The following MYT1L variants were observed in gnomAD, a reference collection of about 807,000 sequenced individuals.
MYT1L encodes the protein myelin transcription factor 1 like.
In MYT1L, 12 loss-of-function variants were observed where a neutral mutation model predicts 126.7. The ratio of observed to expected loss-of-function variants is 0.09; its 90% confidence interval spans 0.06 to 0.15. The LOEUF (loss-of-function observed/expected upper bound fraction) is 0.15. MYT1L is among the 10% of genes least tolerant of loss of function. The pLI is 1.00. For synonymous variants in MYT1L, 541 were observed against 604.2 expected (o/e 0.90, Z 1.53); for missense variants, 979 against 1,585.2 (o/e 0.62, Z 6.49).
At chr2:2,206,221 A>G (rs987572756) in intron 2 of MYT1L, among the ~76,000 whole-genome samples, 1 of 152,082 alleles carries the variant, frequency 6.6e-6, no homozygotes, top group Non-Finnish European at 1.5e-5. Flanking sequence ...CAGATGATCC[A>G]CTGGCCTCTG....
At chr2:2,123,899 G>A (rs1277777996) in intron 3 of MYT1L, among the ~76,000 whole-genome samples, 2 of 152,158 alleles carry the variant, frequency 1.3e-5, no homozygotes, top group African/African-American at 4.8e-5. Context: ...GCGGGGCCCT[G>A]AGCCCTGGAA....
chr2:1,960,359 G>A (rs1198264072), intron 8 of MYT1L, among the ~76,000 whole-genome samples: 2 of 152,216 alleles, frequency 1.3e-5, no homozygotes, highest in African/African-American at 4.8e-5. Context: ...GGCGGGGGAC[G>A]GTGAAGCCCC....
At chr2:1,799,329 T>G (rs908942844) in intron 23 of MYT1L, among the ~76,000 whole-genome samples, 3 of 152,186 alleles carry the variant, frequency 2.0e-5, no homozygotes, top group African/African-American at 7.2e-5. Context: ...AGAGCGTGCC[T>G]GGGGTTCCTA....
chr2:1,794,532 G>A (rs894023958), intron 23 of MYT1L, among the ~76,000 whole-genome samples: 1 of 152,214 alleles, frequency 6.6e-6, no homozygotes, highest in Non-Finnish European at 1.5e-5. Context: ...CCGGCTTAGC[G>A]GAGAAGCAGC....
chr2:2,179,520 G>A (rs192769553), intron 2 of MYT1L, among the ~76,000 whole-genome samples: 23 of 152,232 alleles, frequency 1.5e-4, no homozygotes, highest in Admixed American at 1.4e-3. Context: ...TATTATTATC[G>A]TTATCATGAC....
At position 1,804,801 on chromosome 2, in the gene MYT1L, C is replaced by A. The variant is rs146624504; in HGVS notation, c.3173-3002G>T. Among the ~76,000 whole-genome samples the A allele has an allele frequency of 4.1e-4, 63 of 152,234 alleles. 3 individuals carry two copies. In the East Asian group the frequency reaches 0.012, roughly 29 times the overall value. On this transcript the variant is annotated intron_variant, in intron 22 of 24. Transcript: ENST00000647738. The stretch of plus-strand genomic sequence containing the variant: ...GTTTGGAGCTCTCAGGAATATTAAG[C>A]GAAATAAGTAGGTGAAGTTCCTGAC...
At chr2:1,965,778 G>A (rs538824302) in intron 8 of MYT1L, among the ~76,000 whole-genome samples, 2 of 152,366 alleles carry the variant, frequency 1.3e-5, no homozygotes, top group South Asian at 2.1e-4. Context: ...CAGGAGAGCC[G>A]GACAGGGGGA....
chr2:1,984,796 A>G (rs948776752), intron 5 of MYT1L, among the ~76,000 whole-genome samples: 3 of 152,128 alleles, frequency 2.0e-5, no homozygotes, highest in Non-Finnish European at 4.4e-5. Flanking sequence ...GGTGCAAGCC[A>G]CCGTGCCTGG....
chr2:2,302,305 T>C (rs1028126000), intron 1 of MYT1L, among the ~76,000 whole-genome samples: 4 of 152,226 alleles, frequency 2.6e-5, no homozygotes, highest in Non-Finnish European at 5.9e-5. Context: ...AACTTATTAG[T>C]CAGTGAATGC....
chr2:2,327,360 A>G (rs1261647130), intron 1 of MYT1L, among the ~76,000 whole-genome samples: 1 of 152,146 alleles, frequency 6.6e-6, no homozygotes, highest in African/African-American at 2.4e-5. Context: ...GTGGTACAGA[A>G]TACAGTATGA....
chr2:2,287,028 A>G (rs1370735683), intron 1 of MYT1L, among the ~76,000 whole-genome samples: 1 of 152,204 alleles, frequency 6.6e-6, no homozygotes, highest in African/African-American at 2.4e-5. Flanking sequence ...AGGCCAAGGC[A>G]GGCGGATCAC....
intron 1 of MYT1L, among the ~76,000 whole-genome samples, chr2:2,315,239 G>A: frequency 6.6e-6 from 1 of 152,058 alleles, no homozygotes; most frequent in East Asian, 1.9e-4. Flanking sequence ...TTAAAGGCAA[G>A]GATTATGCCT....
Position 2,322,482 on chromosome 2 carries a change from C to T in MYT1L, c.-521+8485G>A, listed in dbSNP as rs552339473. ...CATCACCCTGTTTCCAGTCCTGGGACCTTTCATTGTCTTTGCCCGTGAGCC... is the reference window on the plus strand; with the variant it reads ...CATCACCCTGTTTCCAGTCCTGGGATCTTTCATTGTCTTTGCCCGTGAGCC... On this transcript the variant is annotated intron_variant, in intron 1 of 24. Coordinates refer to ENST00000647738, the MANE Select transcript of MYT1L (RefSeq NM_001303052.2). 2.0e-5 allele frequency among the ~76,000 whole-genome samples: 3 copies of T among 152,170 alleles called. No individual in the cohort carries two copies. In the East Asian group the frequency reaches 5.8e-4, roughly 29 times the overall value.
intron 3 of MYT1L, among the ~76,000 whole-genome samples, chr2:2,126,027 C>A (rs2081642100): frequency 6.6e-6 from 1 of 152,188 alleles, no homozygotes; most frequent in Non-Finnish European, 1.5e-5. Flanking sequence ...ACAACATTCC[C>A]CTCGTGGGCC....
intron 3 of MYT1L, among the ~76,000 whole-genome samples, chr2:2,150,447 T>A (rs934591949): frequency 6.6e-5 from 10 of 152,194 alleles, no homozygotes. Context: ...TTACATAACT[T>A]GAAAAAAATA....
chr2:1,865,302 C>T (rs1291528699), intron 18 of MYT1L, among the ~76,000 whole-genome samples: 6 of 152,184 alleles, frequency 3.9e-5, no homozygotes, highest in African/African-American at 1.4e-4. Context: ...ACCTGGCCAG[C>T]AGCCCTGCTC....
rs186055575 is a variant in MYT1L at position 1,916,400 on chromosome 2, T to C, written c.1618+805A>G. 4.4e-3 allele frequency among the ~76,000 whole-genome samples: 670 copies of C among 152,314 alleles called. 3 individuals carry two copies. The highest frequency in any genetic ancestry group is 0.015 in the African/African-American group (627 of 41,556). On this transcript the variant is annotated intron_variant, in intron 11 of 24. Transcript: ENST00000647738. Reference sequence around the variant, plus strand: ...GTGTCTTAGACAGTAAGGGAAACTCTTCCCATGCCGTAGACTCAAAACCAG... The same window carrying C: ...GTGTCTTAGACAGTAAGGGAAACTCCTCCCATGCCGTAGACTCAAAACCAG...
chr2:1,898,924 G>A lies in MYT1L; in HGVS notation c.2032+4156C>T, dbSNP rs530526165. ...AATGAGCTGAGTCTGCAGCTGCCCAGGCAGTCAGGGGAGTTGTCTGTGTGG... is the reference window on the plus strand; with the variant it reads ...AATGAGCTGAGTCTGCAGCTGCCCAAGCAGTCAGGGGAGTTGTCTGTGTGG... On this transcript the variant is annotated intron_variant, in intron 14 of 24. Transcript: ENST00000647738. 7.2e-5 allele frequency among the ~76,000 whole-genome samples: 11 copies of A among 152,358 alleles called. No homozygotes were observed. In the South Asian group the frequency reaches 2.3e-3, roughly 32 times the overall value.
At chr2:2,071,521 C>CA (rs1480194193) in intron 3 of MYT1L, among the ~76,000 whole-genome samples, 1 of 152,146 alleles carries the variant, frequency 6.6e-6, no homozygotes, top group Non-Finnish European at 1.5e-5. Context: ...CTCAGGACGC[C>CA]ATGGGCTCAC....
Sources: allele counts gnomAD v4.1 joint callset (sites outside exome capture counted in the v4.1 genomes callset), GRCh38; gene constraint gnomAD v4.1.1; transcripts MANE v1.5; gene names NCBI Gene and HGNC (gene_info 2026-07-23, HGNC 2026-07-21).